Variants in DZIP1 observed in about 807,000 individuals in gnomAD.
The protein encoded by DZIP1 is DAZ interacting zinc finger protein 1.
Under a neutral mutation model 107.6 loss-of-function variants are expected in DZIP1, and 97 were observed. The observed-to-expected ratio is 0.90, with a 90% CI of 0.77 to 1.07. The LOEUF (loss-of-function observed/expected upper bound fraction) is 1.07. Among genes scored for constraint, DZIP1 ranks in the 50% least tolerant of loss-of-function variants. The probability of loss-of-function intolerance (pLI) is 0.00; values close to 1 mark genes in which losing one functional copy is unlikely to be tolerated. For missense variants in DZIP1, 1,035 were observed against 1,063.6 expected (o/e 0.97, Z 0.37); for synonymous variants, 390 against 386.4 (o/e 1.01, Z -0.11).
chr13:95,604,101 G>T (rs2044701234), intron 14 of DZIP1, among the ~76,000 whole-genome samples: 3 of 152,292 alleles, frequency 2.0e-5, no homozygotes. Flanking sequence ...CTGCGTCTAG[G>T]TTCAACGTTC....
chr13:95,641,664 G>T lies in DZIP1; in HGVS notation c.228C>A (p.Asp76Glu). ...SVDWRRLSAI[D>E]VDKVAGAVDV... is the part of the protein sequence containing the mutation. ...CCACAGCCCCCGCCACCTTGTCCAC[G>T]TCGATGGCGCTCAGCCGCCGCCAGT... The change falls in exon 5 of 23, where the codon GAC (aspartate) becomes GAA (glutamate). Residue 76 changes from aspartate (D) to glutamate (E), a missense_variant. Asp to Glu is a conservative substitution (Grantham distance 45). Coordinates refer to ENST00000376829, the MANE Select transcript of DZIP1 (RefSeq NM_198968.4). This position sits in a 1 kb window ranked among gnomAD's most constrained non-coding sequence, Gnocchi z 4.3. 6.2e-7 allele frequency: 1 copy of T among 1,607,586 alleles called. No homozygotes were observed. Among genetic ancestry groups the T allele is most frequent in the Non-Finnish European group, 8.5e-7 (1 of 1,179,982 alleles).
chr13:95,616,732 C>T lies in DZIP1; in HGVS notation c.1173+3153G>A, dbSNP rs934673149. On this transcript the variant is annotated intron_variant, in intron 10 of 22. Coordinates refer to ENST00000376829, the MANE Select transcript of DZIP1 (RefSeq NM_198968.4). ...CCCTCAAGGTTGTACCCCTGGTGTACACCCCCTGTGTGATGCTGTCCCTTG... is the reference window on the plus strand; with the variant it reads ...CCCTCAAGGTTGTACCCCTGGTGTATACCCCCTGTGTGATGCTGTCCCTTG... Among the ~76,000 whole-genome samples, 7 of 152,184 alleles carry T rather than the reference C, an allele frequency of 4.6e-5. No individual in the cohort carries two copies. The South Asian group carries it at 6.2e-4, about 14-fold the overall frequency.
At chr13:95,595,682 G>A (rs1465537370) in intron 15 of DZIP1, among the ~76,000 whole-genome samples, 1 of 152,084 alleles carries the variant, frequency 6.6e-6, no homozygotes, top group Non-Finnish European at 1.5e-5. Context: ...CACCGAGAGA[G>A]CCTGGAAGTC....
chr13:95,639,663 A>G (rs1490285485), intron 5 of DZIP1, among the ~76,000 whole-genome samples: 1 of 108,908 alleles, frequency 9.2e-6, no homozygotes, highest in Non-Finnish European at 2.0e-5. Context: ...AGCCATTTCT[A>G]TAGTAACCCC....
chr13:95,589,372 G>C (rs1240806463), intron 18 of DZIP1, among the ~76,000 whole-genome samples, 165 bp from the exon 19 acceptor site: 1 of 152,214 alleles, frequency 6.6e-6, no homozygotes. Context: ...AATTACAAGT[G>C]TGATTCTCAG....
chr13:95,615,217 C>A (rs1179663709), intron 10 of DZIP1, among the ~76,000 whole-genome samples: 1 of 152,116 alleles, frequency 6.6e-6, no homozygotes, highest in Non-Finnish European at 1.5e-5. Context: ...TCACAACTCG[C>A]AATGACAAAG....
chr13:95,603,306 CAAAAAAAAAA>C (rs34995131), intron 14 of DZIP1, among the ~76,000 whole-genome samples: 2,416 of 48,024 alleles, frequency 0.05, 96 homozygotes, highest in African/African-American at 0.15. Context: ...TGCCCAGTCT[CAAAAAAAAAA>C]AAAAAAAAAA....
chr13:95,613,484 C>T (rs2045080427), intron 10 of DZIP1, among the ~76,000 whole-genome samples: 1 of 151,416 alleles, frequency 6.6e-6, no homozygotes, highest in South Asian at 2.1e-4. Flanking sequence ...TGCACTCCAG[C>T]CTGGGTGACA....
At chr13:95,619,994 A>G (rs752407648) in intron 9 of DZIP1, 47 bp from the exon 10 acceptor site, 9 of 1,599,058 alleles carry the variant, frequency 5.6e-6, no homozygotes, top group Admixed American at 5.0e-5. Flanking sequence ...TAACAATGAG[A>G]TCTATGCAAT....
intron 16 of DZIP1, among the ~76,000 whole-genome samples, chr13:95,591,085 A>G (rs1221982933): frequency 1.3e-5 from 2 of 148,598 alleles, no homozygotes; most frequent in African/African-American, 2.5e-5. Flanking sequence ...CTGGAGTGCA[A>G]TGGCGCAATC....
At chr13:95,599,277 T>TA (rs1196389209) in intron 15 of DZIP1, 88 bp downstream of exon 15, 1 of 1,201,918 alleles carries the variant, frequency 8.3e-7, no homozygotes, top group Admixed American at 1.9e-5. Flanking sequence ...TGTAGTGGAA[T>TA]AAAAACCACT....
chr13:95,633,117 G>A (rs920410870), intron 6 of DZIP1, 117 bp downstream of exon 6: 24 of 934,036 alleles, frequency 2.6e-5, no homozygotes, highest in African/African-American at 5.0e-5. Flanking sequence ...TTACTGAATT[G>A]ACAGGGACCG....
intron 14 of DZIP1, among the ~76,000 whole-genome samples, chr13:95,603,495 C>T (rs1370138394): frequency 6.6e-6 from 1 of 152,106 alleles, no homozygotes; most frequent in East Asian, 1.9e-4. Flanking sequence ...TATTTTGCAT[C>T]CTCACTGCAC....
intron 16 of DZIP1, among the ~76,000 whole-genome samples, chr13:95,590,817 GA>G (rs2044291428): frequency 6.6e-6 from 1 of 152,184 alleles, no homozygotes; most frequent in Non-Finnish European, 1.5e-5. Context: ...AAAACAAGGA[GA>G]AATTTCCAGA....
At chr13:95,640,141 T>A (rs995451896) in intron 5 of DZIP1, among the ~76,000 whole-genome samples, 3 of 152,002 alleles carry the variant, frequency 2.0e-5, no homozygotes, top group Non-Finnish European at 2.9e-5. Context: ...TACAGGCACA[T>A]GCCACCAAGC....
At chr13:95,625,013 T>A (rs1876363313) in intron 7 of DZIP1, 84 bp from the exon 8 acceptor site, 1 of 1,215,460 alleles carries the variant, frequency 8.2e-7, no homozygotes, top group Non-Finnish European at 1.1e-6. Context: ...ATAGCATCAC[T>A]TCAAAAATGT....
At chr13:95,619,597 A>G (rs948702166) in intron 10 of DZIP1, among the ~76,000 whole-genome samples, 1 of 152,104 alleles carries the variant, frequency 6.6e-6, no homozygotes, top group Non-Finnish European at 1.5e-5. Flanking sequence ...GTTTTAAGTT[A>G]TTAGTTTTTA....
intron 6 of DZIP1, 71 bp downstream of exon 6, chr13:95,633,163 G>T: frequency 1.4e-6 from 2 of 1,386,426 alleles, no homozygotes; most frequent in South Asian, 2.4e-5. Context: ...AAATGCACTG[G>T]ACCAAGTCTC....
chr13:95,618,027 A>G, intron 10 of DZIP1: 1 of 519,058 alleles, frequency 1.9e-6, no homozygotes, highest in Non-Finnish European at 3.8e-6. Context: ...TGAGAAGCCC[A>G]TGGAGATGTC....
Sources: allele counts gnomAD v4.1 joint callset (sites outside exome capture counted in the v4.1 genomes callset), GRCh38; gene constraint gnomAD v4.1.1; non-coding constraint Gnocchi (gnomAD v3.1); transcripts MANE v1.5; gene names NCBI Gene and HGNC (gene_info 2026-07-23, HGNC 2026-07-21).